The following CHRM3 variants were observed in gnomAD, a reference collection of about 807,000 sequenced individuals.
The protein encoded by CHRM3 is cholinergic receptor muscarinic 3.
CHRM3 carries 11 observed loss-of-function variants against 41.8 expected under a neutral mutation model. That is an observed-to-expected ratio of 0.26 (90% CI 0.17 to 0.44). The LOEUF is 0.44. CHRM3 is among the 20% of genes least tolerant of loss of function. The probability of loss-of-function intolerance (pLI) is 1.00; values close to 1 mark genes in which losing one functional copy is unlikely to be tolerated. For synonymous variants in CHRM3, 297 were observed against 301.4 expected (o/e 0.99, Z 0.15); for missense variants, 571 against 745.4 (o/e 0.77, Z 2.72).
At chr1:239,636,959 A>T (rs1670523708) in intron 4 of CHRM3, among the ~76,000 whole-genome samples, 1 of 152,132 alleles carries the variant, frequency 6.6e-6, no homozygotes, top group Non-Finnish European at 1.5e-5. Flanking sequence ...GGCACATTGG[A>T]TAGGATTTTG....
At chr1:239,585,130 T>C (rs1663283192) in intron 3 of CHRM3, among the ~76,000 whole-genome samples, 1 of 151,698 alleles carries the variant, frequency 6.6e-6, no homozygotes, top group South Asian at 2.1e-4. Context: ...CATATATGTG[T>C]ATATATATAC....
rs1173025502 is a variant in CHRM3 at position 239,748,145 on chromosome 1, G to A, written c.-147+69857G>A. Among the ~76,000 whole-genome samples, 1 of 152,166 alleles carries A rather than the reference G, an allele frequency of 6.6e-6. No individual in the cohort carries two copies. Among genetic ancestry groups the A allele is most frequent in the Admixed American group, 6.5e-5 (1 of 15,276 alleles). ...ATCACTGTCTTCCAAAATTGTACTGGATTGCCAACGTTTGCATTATTTTAA... is the reference window on the plus strand; with the variant it reads ...ATCACTGTCTTCCAAAATTGTACTGAATTGCCAACGTTTGCATTATTTTAA... On this transcript the variant is annotated intron_variant, in intron 5 of 6. Transcript: ENST00000676153. The surrounding 1 kb of genome is among the most constrained non-coding windows in gnomAD (Gnocchi z 4.3).
At chr1:239,729,400 C>T (rs573418839) in intron 5 of CHRM3, among the ~76,000 whole-genome samples, 80 of 151,994 alleles carry the variant, frequency 5.3e-4, no homozygotes, top group African/African-American at 1.7e-3. Flanking sequence ...TTTCAGGGAA[C>T]GTCATTTGTA....
chr1:239,484,184 G>A (rs1374861165), intron 1 of CHRM3, among the ~76,000 whole-genome samples: 1 of 152,146 alleles, frequency 6.6e-6, no homozygotes, highest in Non-Finnish European at 1.5e-5. Context: ...GGCTGTACAA[G>A]CATGGCACCA....
rs548455229 is a variant in CHRM3 at position 239,458,270 on chromosome 1, A to G, written c.-520-34439A>G. 4.6e-5 allele frequency among the ~76,000 whole-genome samples: 7 copies of G among 152,264 alleles called. No homozygotes were observed. In the East Asian group the frequency reaches 7.7e-4, roughly 17 times the overall value. ...AACCATAAACTTTTATCTATTAACT[A>G]TCTACTTCCTAATGAACAGATGTGA... On this transcript the variant is annotated intron_variant, in intron 1 of 6. Transcript: ENST00000676153.
chr1:239,444,422 G>A (rs1291751423), intron 1 of CHRM3, among the ~76,000 whole-genome samples: 1 of 152,134 alleles, frequency 6.6e-6, no homozygotes, highest in South Asian at 2.1e-4. Context: ...GTTTTGAATG[G>A]AGGAGTATAT....
chr1:239,899,700 T>C (rs1241026526), intron 6 of CHRM3: 1 of 152,072 alleles, frequency 6.6e-6, no homozygotes, highest in Non-Finnish European at 1.5e-5. Context: ...ATCGTATATA[T>C]ATACTAAGTA....
At chr1:239,514,552 C>T (rs1423983167) in intron 2 of CHRM3, among the ~76,000 whole-genome samples, 3 of 150,878 alleles carry the variant, frequency 2.0e-5, no homozygotes, top group Non-Finnish European at 4.4e-5. Flanking sequence ...AAAGTCATGC[C>T]ATCTACACAA....
chr1:239,403,197 C>T (rs753131726), intron 1 of CHRM3, among the ~76,000 whole-genome samples: 6 of 152,148 alleles, frequency 3.9e-5, no homozygotes, highest in African/African-American at 1.2e-4. Flanking sequence ...CCATACGCCT[C>T]GTAGACTTTA....
At chr1:239,492,988 G>A (rs1267302080) in intron 2 of CHRM3, among the ~76,000 whole-genome samples, 181 bp downstream of exon 2, 2 of 152,158 alleles carry the variant, frequency 1.3e-5, no homozygotes, top group African/African-American at 4.8e-5. Flanking sequence ...TGACAGCTTA[G>A]CATTGCAAGT....
At chr1:239,805,965 A>T (rs1218440159) in intron 5 of CHRM3, among the ~76,000 whole-genome samples, 2 of 152,152 alleles carry the variant, frequency 1.3e-5, no homozygotes, top group East Asian at 3.9e-4. Flanking sequence ...TTAAAAACGA[A>T]ACAAAACAAA....
intron 1 of CHRM3, among the ~76,000 whole-genome samples, chr1:239,419,941 GC>G (rs1476124581): frequency 6.6e-6 from 1 of 152,082 alleles, no homozygotes; most frequent in African/African-American, 2.4e-5. Flanking sequence ...TCGTTTCCCT[GC>G]CCCTGTCTGA....
chr1:239,746,450 T>G (rs10925967), intron 5 of CHRM3, among the ~76,000 whole-genome samples: 38 of 152,358 alleles, frequency 2.5e-4, no homozygotes, highest in African/African-American at 9.1e-4. Context: ...GTGATTGTTA[T>G]TTCCATTTTA....
chr1:239,446,085 C>T (rs1215652310), intron 1 of CHRM3, among the ~76,000 whole-genome samples: 4 of 152,046 alleles, frequency 2.6e-5, no homozygotes, highest in Admixed American at 1.3e-4. Context: ...TACAGGTGTG[C>T]ACCACCACAC....
At chr1:239,594,761 T>A (rs1434332093) in intron 3 of CHRM3, among the ~76,000 whole-genome samples, 1 of 152,124 alleles carries the variant, frequency 6.6e-6, no homozygotes, top group African/African-American at 2.4e-5. Context: ...TACCCCTGGG[T>A]TCTGCATTCA....
chr1:239,747,662 T>G (rs1370788512), intron 5 of CHRM3, among the ~76,000 whole-genome samples: 1 of 152,234 alleles, frequency 6.6e-6, no homozygotes, highest in Non-Finnish European at 1.5e-5. Flanking sequence ...TGTGGCTTGC[T>G]CTGCATTTTG....
At chr1:239,508,129 A>T (rs1668692359) in intron 2 of CHRM3, among the ~76,000 whole-genome samples, 1 of 152,234 alleles carries the variant, frequency 6.6e-6, no homozygotes, top group Non-Finnish European at 1.5e-5. Context: ...TTATATTCAA[A>T]TTAATTTCCC....
chr1:239,899,290 T>TGC, intron 6 of CHRM3, among the ~76,000 whole-genome samples: 1 of 136,488 alleles, frequency 7.3e-6, no homozygotes, highest in Non-Finnish European at 1.5e-5. Flanking sequence ...TGTGTGTGTG[T>TGC]GTGTGTGTGT....
chr1:239,634,547 CTTTT>C (rs530235290), intron 4 of CHRM3, among the ~76,000 whole-genome samples: 1 of 144,534 alleles, frequency 6.9e-6, no homozygotes, highest in African/African-American at 2.5e-5. Context: ...ATCTTCTTTT[CTTTT>C]TTTTTTTGAA....
Sources: gnomAD v4.1 joint callset for allele counts (sites outside exome capture counted in the v4.1 genomes callset) on GRCh38, gnomAD v4.1.1 for gene constraint, Gnocchi (gnomAD v3.1) non-coding constraint, MANE v1.5 for transcripts, NCBI Gene and HGNC (gene_info 2026-07-23, HGNC 2026-07-21) for gene names.